TOM1L1: variants seen among roughly 807,000 people sequenced by gnomAD.
The protein encoded by TOM1L1 is target of myb1 like 1 membrane trafficking protein, also known as TOM1-like protein 1.
TOM1L1 carries 64 observed loss-of-function variants against 63.4 expected under a neutral mutation model. The ratio of observed to expected loss-of-function variants is 1.01; its 90% confidence interval spans 0.83 to 1.24. TOM1L1 has a LOEUF of 1.24. Ranked by LOEUF, TOM1L1 falls within the 50% of genes most tolerant of loss-of-function variation. The pLI is 0.00. For synonymous variants in TOM1L1, 166 were observed against 194.4 expected (o/e 0.85, Z 1.22); for missense variants, 536 against 567.0 (o/e 0.95, Z 0.55).
At position 54,930,151 on chromosome 17, in the gene TOM1L1, G is replaced by C; in HGVS notation, c.799G>C (p.Val267Leu). The C allele has an allele frequency of 6.2e-7, 1 of 1,614,078 alleles. No homozygotes were observed. Among genetic ancestry groups the C allele is most frequent in the Non-Finnish European group, 8.5e-7 (1 of 1,179,962 alleles). ...GGTGGTGGAGAACGAAGATGTAACTGTTGAGCTAATTCAGGTGAATGAGGA... is the reference window on the plus strand; with the variant it reads ...GGTGGTGGAGAACGAAGATGTAACTCTTGAGCTAATTCAGGTGAATGAGGA... Reference protein sequence around the residue: ...LVVVENEDVTVELIQVNEDLN... With the variant: ...LVVVENEDVTLELIQVNEDLN... Residue 267 changes from valine to leucine, a missense_variant, in exon 8 of 16, where the codon GTT (valine) becomes CTT (leucine). Transcript: ENST00000575882.
intron 7 of TOM1L1, among the ~76,000 whole-genome samples, chr17:54,924,161 C>T (rs1031755420): frequency 2.0e-5 from 3 of 151,864 alleles, no homozygotes; most frequent in African/African-American, 7.3e-5. Context: ...TGCTTGCTAA[C>T]CTCCTTCCTA....
intron 14 of TOM1L1, among the ~76,000 whole-genome samples, chr17:54,951,351 C>T (rs2049231065): frequency 6.6e-6 from 1 of 152,188 alleles, no homozygotes; most frequent in Admixed American, 6.5e-5. Context: ...ACTGACCTGA[C>T]CCAACCCCAA....
chr17:54,938,383 A>T (rs1036302790), intron 10 of TOM1L1, among the ~76,000 whole-genome samples: 1 of 150,888 alleles, frequency 6.6e-6, no homozygotes, highest in Non-Finnish European at 1.5e-5. Context: ...AATCCCAGCT[A>T]CTCAGGAGGC....
intron 11 of TOM1L1, among the ~76,000 whole-genome samples, chr17:54,940,978 G>A (rs1451516562): frequency 6.6e-6 from 1 of 152,036 alleles, no homozygotes; most frequent in Admixed American, 6.6e-5. Context: ...ATAAAAAGTT[G>A]TATAAGACAA....
chr17:54,937,457 T>G (rs545440008), intron 10 of TOM1L1: 1 of 503,812 alleles, frequency 2.0e-6, no homozygotes, highest in East Asian at 3.5e-5. Flanking sequence ...TCACTTAGAA[T>G]CTCATGGAAT....
intron 14 of TOM1L1, among the ~76,000 whole-genome samples, chr17:54,958,825 AATGGGAGAC>A (rs2077030249): frequency 6.6e-6 from 1 of 151,936 alleles, no homozygotes; most frequent in African/African-American, 2.4e-5. Context: ...CTTTGTATAA[AATGGGAGAC>A]ATGGGAGATG....
chr17:54,930,249 C>T (rs748066103), intron 8 of TOM1L1, 43 bp downstream of exon 8: 8 of 1,610,692 alleles, frequency 5.0e-6, no homozygotes, highest in Non-Finnish European at 6.8e-6. Context: ...TCCATTTCTA[C>T]TTTCACCACC....
rs1388238889 is a variant in TOM1L1 at position 54,958,631 on chromosome 17, T to A, written c.1371-1935T>A. Among the ~76,000 whole-genome samples, 3 of 148,568 alleles carry A rather than the reference T, an allele frequency of 2.0e-5. No individual in the cohort carries two copies. In the East Asian group the frequency reaches 6.0e-4, roughly 29 times the overall value. ...CTGTAATTCCAACTATTCGGGAGGA[T>A]GAATAGGAGAATCGTTTGAACCCAG... On this transcript the variant is annotated intron_variant, in intron 14 of 15. Coordinates refer to ENST00000575882, the MANE Select transcript of TOM1L1 (RefSeq NM_005486.3).
chr17:54,918,123 T>C (rs925730477), intron 7 of TOM1L1, among the ~76,000 whole-genome samples: 3 of 152,206 alleles, frequency 2.0e-5, no homozygotes, highest in Admixed American at 2.0e-4. Flanking sequence ...TCCTTCCATG[T>C]TCTAGGCAGT....
intron 6 of TOM1L1, among the ~76,000 whole-genome samples, chr17:54,915,306 G>A (rs970587067): frequency 5.9e-5 from 9 of 152,090 alleles, no homozygotes; most frequent in African/African-American, 1.9e-4. Context: ...AGGAAGAAAA[G>A]GTGTTTCTTT....
At chr17:54,928,366 C>A (rs375825055) in intron 7 of TOM1L1, among the ~76,000 whole-genome samples, 58 of 129,998 alleles carry the variant, frequency 4.5e-4, no homozygotes, top group East Asian at 1.6e-3. Flanking sequence ...TGGAAAAAAA[C>A]CAAAAAAAAA....
chr17:54,935,213 TG>T (rs1181662950), intron 8 of TOM1L1, among the ~76,000 whole-genome samples: 3 of 151,890 alleles, frequency 2.0e-5, no homozygotes, highest in Non-Finnish European at 4.4e-5. Flanking sequence ...TTATAGGATT[TG>T]GGTAGGTAGC....
At chr17:54,946,047 C>G (rs1354127245) in intron 11 of TOM1L1, among the ~76,000 whole-genome samples, 1 of 152,184 alleles carries the variant, frequency 6.6e-6, no homozygotes, top group Admixed American at 6.5e-5. Flanking sequence ...TGGCTAGATT[C>G]ATTCCACAGT....
At chr17:54,933,992 G>C (rs1454004867) in intron 8 of TOM1L1, among the ~76,000 whole-genome samples, 1 of 152,172 alleles carries the variant, frequency 6.6e-6, no homozygotes, top group Non-Finnish European at 1.5e-5. Flanking sequence ...TCTTTGATCA[G>C]CCTTTCACGG....
intron 11 of TOM1L1, among the ~76,000 whole-genome samples, chr17:54,942,792 G>A (rs1310298522): frequency 2.6e-5 from 4 of 152,022 alleles, no homozygotes; most frequent in African/African-American, 7.2e-5. Context: ...GAATAGTTCC[G>A]TCACTCAGCA....
chr17:54,924,228 A>G (rs921873312), intron 7 of TOM1L1, among the ~76,000 whole-genome samples: 1 of 145,346 alleles, frequency 6.9e-6, no homozygotes, highest in African/African-American at 2.6e-5. Flanking sequence ...CCTGACTCTT[A>G]TGCTTCCCTG....
chr17:54,950,169 T>TCCC (rs755481290), intron 14 of TOM1L1, 43 bp downstream of exon 14: 1 of 1,497,210 alleles, frequency 6.7e-7, no homozygotes, highest in African/African-American at 1.4e-5. Flanking sequence ...TTGTCTTGGT[T>TCCC]CCCTTTGATA....
Position 54,914,989 on chromosome 17 carries a change from A to T in TOM1L1, c.603+246A>T, listed in dbSNP as rs1384362814. On this transcript the variant is annotated intron_variant, in intron 6 of 15. Transcript: ENST00000575882. The stretch of plus-strand genomic sequence containing the variant: ...GAGTTGTGCTTGCCTAGCGGCTTTC[A>T]TGGCTTTCTGGAGCCTTGACTGTGG... Among the ~76,000 whole-genome samples the T allele has an allele frequency of 2.0e-5, 3 of 152,192 alleles. No homozygotes were observed. In the East Asian group the frequency reaches 5.8e-4, roughly 29 times the overall value.
At chr17:54,936,248 A>C (rs1020787013) in intron 8 of TOM1L1, among the ~76,000 whole-genome samples, 2 of 152,224 alleles carry the variant, frequency 1.3e-5, no homozygotes, top group African/African-American at 4.8e-5. Context: ...AAAGTGTGAT[A>C]GATTCATAAG....
Sources: gnomAD v4.1 joint callset for allele counts (sites outside exome capture counted in the v4.1 genomes callset) on GRCh38, gnomAD v4.1.1 for gene constraint, MANE v1.5 for transcripts, NCBI Gene and HGNC (gene_info 2026-07-23, HGNC 2026-07-21) for gene names.